Variants in ATP10B observed in about 807,000 individuals in gnomAD.
The protein encoded by ATP10B is phospholipid-transporting ATPase VB.
ATP10B carries 122 observed loss-of-function variants against 141.2 expected under a neutral mutation model. The ratio of observed to expected loss-of-function variants is 0.86; its 90% CI spans 0.75 to 1.00. The LOEUF is 1.00. ATP10B is among the 50% of genes least tolerant of loss of function. The pLI, the probability that ATP10B is intolerant of heterozygous loss-of-function variation, is 0.00. For missense variants in ATP10B, 1,876 were observed against 1,825.3 expected (o/e 1.03, Z -0.51); for synonymous variants, 685 against 692.0 (o/e 0.99, Z 0.16).
chr5:160,634,790 A>G (rs1759234260), intron 11 of ATP10B, among the ~76,000 whole-genome samples, 184 bp from the exon 12 acceptor site: 1 of 152,238 alleles, frequency 6.6e-6, no homozygotes, highest in Non-Finnish European at 1.5e-5. Flanking sequence ...TCTGAAAAAC[A>G]GGTATGTCTT....
At chr5:160,650,133 TACAC>T (rs549523911) in intron 7 of ATP10B, among the ~76,000 whole-genome samples, 3 of 148,758 alleles carry the variant, frequency 2.0e-5, no homozygotes, top group South Asian at 2.1e-4. Flanking sequence ...TATATATATA[TACAC>T]ACACACACAC....
At chr5:160,903,347 A>T in the ATP10B span, among the ~76,000 whole-genome samples, 35 of 152,234 alleles carry the variant, frequency 2.3e-4, no homozygotes, top group Admixed American at 1.6e-3. Context: ...AGCCTCCCCC[A>T]TGCAGTCCCC....
intron 3 of ATP10B, among the ~76,000 whole-genome samples, chr5:160,694,378 A>G (rs1412441163): frequency 6.6e-6 from 1 of 152,208 alleles, no homozygotes; most frequent in African/African-American, 2.4e-5. Flanking sequence ...CCCACTAAAA[A>G]TAACTTGAGG....
chr5:160,801,180 CA>C (rs1772349223), intron 1 of ATP10B, among the ~76,000 whole-genome samples: 3 of 152,130 alleles, frequency 2.0e-5, no homozygotes, highest in Non-Finnish European at 4.4e-5. Flanking sequence ...ATTCTCTGTC[CA>C]CGAAGCTTCC....
chr5:160,645,844 A>T (rs531498157), intron 8 of ATP10B, among the ~76,000 whole-genome samples: 1 of 152,284 alleles, frequency 6.6e-6, no homozygotes, highest in East Asian at 1.9e-4. Flanking sequence ...TGACAACCTT[A>T]TAAGACAGGG....
the ATP10B span, among the ~76,000 whole-genome samples, chr5:160,858,601 T>C: frequency 6.6e-6 from 1 of 152,004 alleles, no homozygotes; most frequent in Non-Finnish European, 1.5e-5. Flanking sequence ...ATCACTTGCA[T>C]ATAATGTGAT....
intron 17 of ATP10B, 52 bp from the exon 18 acceptor site, chr5:160,612,977 C>A: frequency 1.3e-6 from 2 of 1,534,018 alleles, no homozygotes; most frequent in Admixed American, 1.9e-5. Context: ...AGAGTAGTTG[C>A]TTAATTCCCC....
the ATP10B span, among the ~76,000 whole-genome samples, chr5:160,919,793 G>A: frequency 6.6e-6 from 1 of 152,138 alleles, no homozygotes; most frequent in Admixed American, 6.5e-5. Flanking sequence ...GCCATCTCGG[G>A]TCGCTAACGA....
intron 1 of ATP10B, among the ~76,000 whole-genome samples, chr5:160,814,184 C>T (rs945749181): frequency 3.9e-5 from 6 of 151,960 alleles, no homozygotes; most frequent in African/African-American, 9.7e-5. Context: ...CAAACTACTC[C>T]GAGCTAAAGG....
At chr5:160,787,365 G>A (rs146227186) in intron 1 of ATP10B, among the ~76,000 whole-genome samples, 1 of 152,036 alleles carries the variant, frequency 6.6e-6, no homozygotes, top group East Asian at 1.9e-4. Context: ...CTTCTGCCAC[G>A]TACCTGGCTG....
the ATP10B span, among the ~76,000 whole-genome samples, chr5:160,919,108 C>T: frequency 1.3e-5 from 2 of 148,866 alleles, no homozygotes; most frequent in African/African-American, 5.0e-5. Flanking sequence ...CCTGTAGTCC[C>T]AGCTACACGG....
intron 3 of ATP10B, among the ~76,000 whole-genome samples, chr5:160,692,243 G>A (rs999443561): frequency 6.6e-6 from 1 of 152,162 alleles, no homozygotes; most frequent in Non-Finnish European, 1.5e-5. Context: ...ATTAGTGAAT[G>A]AAAGTTTGAT....
intron 3 of ATP10B, among the ~76,000 whole-genome samples, chr5:160,689,418 AAGAG>A (rs772205048): frequency 6.6e-6 from 1 of 152,196 alleles, no homozygotes; most frequent in Non-Finnish European, 1.5e-5. Context: ...TTCGAATAGG[AAGAG>A]AGAGAGTCAA....
chr5:160,821,663 T>G (rs1232943291), intron 1 of ATP10B, among the ~76,000 whole-genome samples: 1 of 151,956 alleles, frequency 6.6e-6, no homozygotes, highest in African/African-American at 2.4e-5. Context: ...AACAGACACA[T>G]AGATCAGCAG....
chr5:160,616,872 G>A (rs1356571064), intron 16 of ATP10B, among the ~76,000 whole-genome samples: 2 of 152,226 alleles, frequency 1.3e-5, no homozygotes. Flanking sequence ...CAGAGTAGCA[G>A]TAAGCATTTG....
At chr5:160,925,069 T>C in the ATP10B span, among the ~76,000 whole-genome samples, 1 of 152,222 alleles carries the variant, frequency 6.6e-6, no homozygotes, top group South Asian at 2.1e-4. Context: ...AGAAAGTAGA[T>C]TGGATCTTGA....
chr5:160,688,926 C>G lies in ATP10B; in HGVS notation c.-187G>C, dbSNP rs1763919226. 2 of 985,332 alleles carry G rather than the reference C, an allele frequency of 2.0e-6. No individual in the cohort carries two copies. The highest frequency in any genetic ancestry group is 1.2e-4 in the Admixed American group (2 of 16,274). The allele number at this position is 985,332 out of a possible 1,614,324, so 61.0% of individuals were successfully genotyped here. A position where few individuals can be genotyped will look rare whatever the true frequency, so the allele number is the denominator to read the frequency against. On this transcript the variant is annotated 5_prime_UTR_variant, in exon 4 of 26. Transcript: ENST00000327245. ...ATAGGGGATCCCTTTTCTTTTTCTC[C>G]ACTCCATTTGGTGGTTTCTGAAACC...
intron 1 of ATP10B, among the ~76,000 whole-genome samples, chr5:160,848,549 T>G (rs1047442009): frequency 1.3e-5 from 2 of 152,236 alleles, no homozygotes; most frequent in African/African-American, 4.8e-5. Context: ...CCAACTGTAT[T>G]TTAACTTTTT....
chr5:160,598,920 G>A lies in ATP10B; in HGVS notation c.3414C>T (p.Ser1138=). The A allele has an allele frequency of 1.9e-6, 3 of 1,614,200 alleles. No individual in the cohort carries two copies. Among genetic ancestry groups the A allele is most frequent in the East Asian group, 2.2e-5 (1 of 44,886 alleles). The change falls in exon 22 of 26, where the codon AGC becomes AGT. Residue 1138 remains serine, a synonymous_variant. Transcript: ENST00000327245. ...FWYQFFCGFS[S]STMIDYWQMI... The stretch of plus-strand genomic sequence containing the variant: ...TCTGCCAGTAATCAATCATGGTGGA[G>A]CTGGAGAAACCACAGAAGAACTGAT...
Sources: gnomAD v4.1 joint callset for allele counts (sites outside exome capture counted in the v4.1 genomes callset) on GRCh38, gnomAD v4.1.1 for gene constraint, MANE v1.5 for transcripts, NCBI Gene and HGNC (gene_info 2026-07-23, HGNC 2026-07-21) for gene names.